CNTN5: variants seen among roughly 807,000 people sequenced by gnomAD.
The protein encoded by CNTN5 is contactin 5.
A neutral mutation model predicts 129.1 loss-of-function variants in CNTN5; 77 were observed. The ratio of observed to expected loss-of-function variants is 0.60; its 90% CI spans 0.50 to 0.72. The LOEUF (loss-of-function observed/expected upper bound fraction) is 0.72. CNTN5 is among the 30% of genes least tolerant of loss of function. The probability of loss-of-function intolerance (pLI) is 0.00; values close to 1 mark genes in which losing one functional copy is unlikely to be tolerated. For missense variants in CNTN5, 1,478 were observed against 1,328.8 expected (o/e 1.11, Z -1.75); for synonymous variants, 509 against 465.6 (o/e 1.09, Z -1.20).
chr11:100,146,240 A>G (rs766547971), intron 13 of CNTN5, among the ~76,000 whole-genome samples: 4 of 152,182 alleles, frequency 2.6e-5, no homozygotes, highest in Non-Finnish European at 5.9e-5. Context: ...AATAGTGTTC[A>G]TTAAATATTA....
intron 15 of CNTN5, among the ~76,000 whole-genome samples, chr11:100,201,221 A>G (rs1948770550): frequency 6.6e-6 from 1 of 151,984 alleles, no homozygotes; most frequent in African/African-American, 2.4e-5. Context: ...TCTGATATAC[A>G]TAACAAACTT....
At chr11:100,049,435 TAAGAC>T (rs1053373916) in intron 9 of CNTN5, among the ~76,000 whole-genome samples, 24 of 151,720 alleles carry the variant, frequency 1.6e-4, no homozygotes, top group East Asian at 3.9e-4. Context: ...CTAATAAAAA[TAAGAC>T]AAGAGGAAAA....
chr11:99,050,458 A>G (rs1314415102), intron 1 of CNTN5, among the ~76,000 whole-genome samples: 1 of 151,904 alleles, frequency 6.6e-6, no homozygotes, highest in Non-Finnish European at 1.5e-5. Context: ...TTTGTCAGAA[A>G]AAAATTCTCC....
At chr11:99,724,162 G>A (rs1419434963) in intron 3 of CNTN5, among the ~76,000 whole-genome samples, 2 of 152,080 alleles carry the variant, frequency 1.3e-5, no homozygotes, top group African/African-American at 4.8e-5. Context: ...TTCAGTGCCT[G>A]GAGCATGTTC....
At chr11:99,750,758 T>C (rs186689413) in intron 3 of CNTN5, among the ~76,000 whole-genome samples, 99 of 152,324 alleles carry the variant, frequency 6.5e-4, no homozygotes, top group African/African-American at 1.9e-3. Flanking sequence ...ACAATATCTT[T>C]CTAAACATAA....
At chr11:99,347,801 C>T (rs751001343) in intron 2 of CNTN5, among the ~76,000 whole-genome samples, 20 of 152,124 alleles carry the variant, frequency 1.3e-4, no homozygotes, top group Admixed American at 2.6e-4. Context: ...CTAAATGATT[C>T]ACTGTCATTT....
intron 15 of CNTN5, among the ~76,000 whole-genome samples, chr11:100,211,995 CT>C (rs575573271): frequency 1.3e-5 from 2 of 152,194 alleles, no homozygotes; most frequent in South Asian, 4.1e-4. Flanking sequence ...AAAAGGATGA[CT>C]TTCCCCCTAC....
intron 7 of CNTN5, among the ~76,000 whole-genome samples, chr11:99,917,096 T>C (rs1035874357): frequency 4.6e-5 from 7 of 152,154 alleles, no homozygotes; most frequent in African/African-American, 1.7e-4. Context: ...TCTTTATCTT[T>C]ATCTGATCCC....
intron 9 of CNTN5, among the ~76,000 whole-genome samples, chr11:100,041,031 A>C (rs1942350164): frequency 6.6e-6 from 1 of 152,244 alleles, no homozygotes; most frequent in East Asian, 1.9e-4. Flanking sequence ...CCGGTACCTC[A>C]GTTGGAAATG....
At chr11:99,161,125 A>G (rs1309681947) in intron 1 of CNTN5, among the ~76,000 whole-genome samples, 1 of 152,170 alleles carries the variant, frequency 6.6e-6, no homozygotes, top group East Asian at 1.9e-4. Flanking sequence ...AATCTAGAAT[A>G]GTCCCTGATT....
rs79004771 is a variant in CNTN5, at chr11:99,430,942, G to A, written c.-71+105458G>A. 4.6e-3 allele frequency among the ~76,000 whole-genome samples: 691 copies of A among 150,698 alleles called. 6 individuals carry two copies. Among genetic ancestry groups the A allele is most frequent in the African/African-American group, 0.014 (575 of 41,072 alleles). ...TTGGTTAGTAAAAGGTGGCCTTGCT[G>A]TAGATGAAACCCATCAAGTAGCCAA... On this transcript the variant is annotated intron_variant, in intron 2 of 24. Coordinates refer to ENST00000524871, the MANE Select transcript of CNTN5 (RefSeq NM_014361.4).
chr11:99,209,305 C>T (rs747314478), intron 1 of CNTN5, among the ~76,000 whole-genome samples: 4 of 152,106 alleles, frequency 2.6e-5, no homozygotes, highest in East Asian at 1.9e-4. Context: ...AACTGTCTCA[C>T]GGTTCTTCAG....
In CNTN5 at chr11:99,716,389, A is replaced by C. The variant is rs559121658; in HGVS notation, c.56-103155A>C. Among the ~76,000 whole-genome samples, 4 of 152,038 alleles carry C rather than the reference A, an allele frequency of 2.6e-5. No individual in the cohort carries two copies. The South Asian group carries it at 8.3e-4, about 32-fold the overall frequency. On this transcript the variant is annotated intron_variant, in intron 3 of 24. Coordinates refer to ENST00000524871, the MANE Select transcript of CNTN5 (RefSeq NM_014361.4). ...CCTCTCTTGGCTTCAATAATATTCT[A>C]GCTTCTTCTTTGTCTCCTACTCCTC...
At chr11:99,272,204 G>A (rs1207808724) in intron 1 of CNTN5, among the ~76,000 whole-genome samples, 1 of 151,756 alleles carries the variant, frequency 6.6e-6, no homozygotes, top group Admixed American at 6.6e-5. Flanking sequence ...TGCTCAAGCA[G>A]GTTGGTCCAA....
chr11:99,087,907 A>C (rs1866065309), intron 1 of CNTN5, among the ~76,000 whole-genome samples: 1 of 152,208 alleles, frequency 6.6e-6, no homozygotes, highest in South Asian at 2.1e-4. Flanking sequence ...GTGGCCACAG[A>C]GTCCCATGGT....
At chr11:99,758,510 A>G (rs1944475087) in intron 3 of CNTN5, among the ~76,000 whole-genome samples, 1 of 152,080 alleles carries the variant, frequency 6.6e-6, no homozygotes. Flanking sequence ...ATATGCAAAG[A>G]TGATTGAAAT....
chr11:99,972,948 T>C (rs7939056), intron 8 of CNTN5, among the ~76,000 whole-genome samples: 55,763 of 151,948 alleles, frequency 0.37, 10,632 homozygotes, highest in African/African-American at 0.42. Flanking sequence ...TTCCGTACAT[T>C]TCCATGGTGA....
chr11:100,042,733 G>C (rs911428013), intron 9 of CNTN5, among the ~76,000 whole-genome samples: 46 of 152,156 alleles, frequency 3.0e-4, no homozygotes, highest in Non-Finnish European at 1.8e-4. Flanking sequence ...TCACTTTGAT[G>C]GTGCATAACA....
In CNTN5 at chr11:99,062,430, G is replaced by T. The variant is rs913882039; in HGVS notation, c.-210+41160G>T. Among the ~76,000 whole-genome samples, 5 of 152,066 alleles carry T rather than the reference G, an allele frequency of 3.3e-5. 1 individual carries two copies. The highest frequency in any genetic ancestry group is 1.2e-4 in the African/African-American group (5 of 41,414). ...CCATTTAACTAGTAGCATTCTGACA[G>T]AGAACTTAAGCAGAGATGTTTGCCA... is the stretch of plus-strand genomic sequence containing the variant. On this transcript the variant is annotated intron_variant, in intron 1 of 24. Coordinates refer to ENST00000524871, the MANE Select transcript of CNTN5 (RefSeq NM_014361.4).
Sources: allele counts gnomAD v4.1 joint callset (sites outside exome capture counted in the v4.1 genomes callset), GRCh38; gene constraint gnomAD v4.1.1; transcripts MANE v1.5; gene names NCBI Gene and HGNC (gene_info 2026-07-23, HGNC 2026-07-21).